NALF1: variants seen among roughly 807,000 people sequenced by gnomAD.
The protein encoded by NALF1 is NALCN channel auxiliary factor 1, also known as family with sequence similarity 155 member A.
Under a neutral mutation model 48.4 loss-of-function variants are expected in NALF1, and 3 were observed. The observed-to-expected ratio is 0.06, with a 90% CI of 0.03 to 0.16. The LOEUF (loss-of-function observed/expected upper bound fraction) is 0.16, where lower values mean the gene tolerates loss of function less well. Among genes scored for constraint, NALF1 ranks in the 10% least tolerant of loss-of-function variants. The pLI is 1.00. For synonymous variants in NALF1, 262 were observed against 245.7 expected, an observed-to-expected ratio of 1.07 and a Z score of -0.62; for missense variants, 526 against 571.5, an observed-to-expected ratio of 0.92 and a Z score of 0.81.
intron 1 of NALF1, among the ~76,000 whole-genome samples, chr13:107,276,574 T>C (rs1881285695): frequency 6.6e-6 from 1 of 152,194 alleles, no homozygotes; most frequent in African/African-American, 2.4e-5. Flanking sequence ...AGCCTACCTG[T>C]CATGTAGGCT....
chr13:107,704,294 T>G (rs1881895287), intron 1 of NALF1, among the ~76,000 whole-genome samples: 2 of 152,228 alleles, frequency 1.3e-5, no homozygotes, highest in African/African-American at 4.8e-5. Flanking sequence ...ATTATTTATT[T>G]CTTTTATAAT....
chr13:107,684,685 A>T (rs1368714835), intron 1 of NALF1, among the ~76,000 whole-genome samples: 2 of 152,202 alleles, frequency 1.3e-5, no homozygotes, highest in Admixed American at 6.5e-5. Flanking sequence ...CATGAAAAAA[A>T]CCTATCATTT....
At chr13:107,655,715 GAAA>G in intron 1 of NALF1, among the ~76,000 whole-genome samples, 1 of 148,512 alleles carries the variant, frequency 6.7e-6, no homozygotes, top group South Asian at 2.1e-4. Flanking sequence ...GCAAGACTAA[GAAA>G]AAAAAAATTG....
Position 107,531,498 on chromosome 13 carries a change from TAAACC to T in NALF1, c.916-320748_916-320744del, listed in dbSNP as rs1876638392. Among the ~76,000 whole-genome samples the T allele has an allele frequency of 2.6e-5, 4 of 152,216 alleles. No individual in the cohort carries two copies. In the South Asian group the frequency reaches 6.2e-4, roughly 24 times the overall value. On this transcript the variant is annotated intron_variant, in intron 1 of 2. Transcript: ENST00000375915. ...AAAGCCTGAAGAATCATGAGCCAAT[TAAACC>T]TCTTTGTTTTATAAATTATGCAATC...
chr13:107,578,649 CATT>C (rs979041624), intron 1 of NALF1, among the ~76,000 whole-genome samples: 2 of 152,082 alleles, frequency 1.3e-5, no homozygotes, highest in Non-Finnish European at 2.9e-5. Flanking sequence ...ATTGTTGTAT[CATT>C]GTGATATGAA....
intron 1 of NALF1, among the ~76,000 whole-genome samples, chr13:107,440,483 G>A (rs1001526070): frequency 6.6e-6 from 1 of 152,148 alleles, no homozygotes; most frequent in African/African-American, 2.4e-5. Flanking sequence ...ACTGTTCCAA[G>A]GGTCAGAGAA....
At chr13:107,764,421 A>C (rs1376669671) in intron 1 of NALF1, among the ~76,000 whole-genome samples, 1 of 152,102 alleles carries the variant, frequency 6.6e-6, no homozygotes, top group Non-Finnish European at 1.5e-5. Flanking sequence ...TATATATAAC[A>C]CTTATACATC....
intron 1 of NALF1, among the ~76,000 whole-genome samples, chr13:107,523,065 G>A (rs973887059): frequency 6.6e-6 from 1 of 152,138 alleles, no homozygotes; most frequent in Non-Finnish European, 1.5e-5. Flanking sequence ...TATATGAATG[G>A]ATAAACCAGT....
At chr13:107,537,320 C>T (rs975954114) in intron 1 of NALF1, among the ~76,000 whole-genome samples, 4 of 152,098 alleles carry the variant, frequency 2.6e-5, no homozygotes, top group African/African-American at 4.8e-5. Context: ...CCCTCTTATA[C>T]ATGCCACTAG....
In NALF1 at chr13:107,867,304, TGCCGCCGCCGCCGCCGCCGCC is replaced by T. The variant is rs71121563; in HGVS notation, c.-729_-709del. Reference sequence around the variant, plus strand: ...ACCCCCCACCCCGCGCTCTAAGTGCTGCCGCCGCCGCCGCCGCCGCCGCCGCTGCCGCAGGGCCGCCCGCGG... The same window carrying T: ...ACCCCCCACCCCGCGCTCTAAGTGCTGCCGCTGCCGCAGGGCCGCCCGCGG... On this transcript the variant is annotated 5_prime_UTR_variant, in exon 1 of 3. Transcript: ENST00000375915. This position sits in a 1 kb window ranked among gnomAD's most constrained non-coding sequence, Gnocchi z 4.4. Among the ~76,000 whole-genome samples the T allele has an allele frequency of 9.7e-6, 1 of 103,502 alleles. No homozygotes were observed. Among genetic ancestry groups the T allele is most frequent in the African/African-American group, 3.8e-5 (1 of 26,028 alleles). 67.9% of individuals were successfully genotyped at this position (103,502 alleles called of 152,430 possible).
chr13:107,389,990 T>A (rs1244158467), intron 1 of NALF1, among the ~76,000 whole-genome samples: 1 of 152,192 alleles, frequency 6.6e-6, no homozygotes, highest in Non-Finnish European at 1.5e-5. Flanking sequence ...TAGGTTTGAT[T>A]TCTCTTTCTC....
chr13:107,532,170 A>G (rs1029327141), intron 1 of NALF1, among the ~76,000 whole-genome samples: 5 of 151,308 alleles, frequency 3.3e-5, no homozygotes, highest in Non-Finnish European at 7.4e-5. Flanking sequence ...AAAATGAAAG[A>G]GAAAGAAAGT....
At chr13:107,399,270 T>C (rs574577603) in intron 1 of NALF1, among the ~76,000 whole-genome samples, 10 of 152,240 alleles carry the variant, frequency 6.6e-5, no homozygotes, top group Admixed American at 5.2e-4. Flanking sequence ...GGGAAGGAAG[T>C]GTTGTTGAAC....
chr13:107,397,989 G>A (rs968076980), intron 1 of NALF1, among the ~76,000 whole-genome samples: 16 of 152,184 alleles, frequency 1.1e-4, no homozygotes, highest in African/African-American at 3.6e-4. Flanking sequence ...GAACTTGTCT[G>A]ATATTTATTC....
At chr13:107,486,583 T>C (rs985284746) in intron 1 of NALF1, among the ~76,000 whole-genome samples, 4 of 152,170 alleles carry the variant, frequency 2.6e-5, no homozygotes, top group African/African-American at 9.7e-5. Flanking sequence ...TGGGCTGCAG[T>C]AGGTGAACCT....
chr13:107,210,529 A>G (rs1594071712), intron 2 of NALF1, 55 bp downstream of exon 2: 7 of 1,256,290 alleles, frequency 5.6e-6, no homozygotes, highest in Middle Eastern at 3.8e-4. Context: ...CAAACATCAC[A>G]CAAGAAAGCA....
chr13:107,785,554 TGA>T (rs1170845552), intron 1 of NALF1, among the ~76,000 whole-genome samples: 1 of 151,692 alleles, frequency 6.6e-6, no homozygotes, highest in African/African-American at 2.4e-5. Flanking sequence ...CGGGGAAGGG[TGA>T]GAGAGGGGTA....
chr13:107,317,242 G>A (rs991323101), intron 1 of NALF1, among the ~76,000 whole-genome samples: 6 of 151,976 alleles, frequency 3.9e-5, no homozygotes, highest in Admixed American at 6.6e-5. Context: ...AGAGTTAGAC[G>A]ACCCATGCAT....
intron 1 of NALF1, among the ~76,000 whole-genome samples, chr13:107,835,225 T>A (rs899207419): frequency 6.6e-6 from 1 of 152,226 alleles, no homozygotes; most frequent in Non-Finnish European, 1.5e-5. Flanking sequence ...GATTCACACA[T>A]AAACTGGAAC....
Sources: allele counts gnomAD v4.1 joint callset (sites outside exome capture counted in the v4.1 genomes callset), GRCh38; gene constraint gnomAD v4.1.1; non-coding constraint Gnocchi (gnomAD v3.1); transcripts MANE v1.5; gene names NCBI Gene and HGNC (gene_info 2026-07-23, HGNC 2026-07-21).